The following ZBTB24 variants were observed in gnomAD, a reference collection of about 807,000 sequenced individuals.
ZBTB24 encodes the protein zinc finger and BTB domain containing 24.
A neutral mutation model predicts 53.8 loss-of-function variants in ZBTB24; 32 were observed. The ratio of observed to expected loss-of-function variants is 0.60; its 90% CI spans 0.45 to 0.80. The LOEUF is 0.80. Among genes scored for constraint, ZBTB24 ranks in the 30% least tolerant of loss-of-function variants. ZBTB24 has a pLI of 0.00. For synonymous variants in ZBTB24, 297 were observed against 306.7 expected, an observed-to-expected ratio of 0.97 and a Z score of 0.33; for missense variants, 722 against 837.1, an observed-to-expected ratio of 0.86 and a Z score of 1.70.
rs767923224 is a variant in ZBTB24 at position 109,476,277 on chromosome 6, C to CATGTTTT, written c.1121-20_1121-19insAAAACAT. ...TTCTGTCCTGCCAAAAAAACCAAAA[C>CATGTTTT]ACTAAAACATGTAAAAAATTATAAA... On this transcript the variant is annotated intron_variant, in intron 3 of 6. Coordinates refer to ENST00000230122, the MANE Select transcript of ZBTB24 (RefSeq NM_014797.3). The CATGTTTT allele has an allele frequency of 7.1e-5, 115 of 1,613,528 alleles. No individual in the cohort carries two copies. Among genetic ancestry groups the CATGTTTT allele is most frequent in the Non-Finnish European group, 7.5e-5 (88 of 1,179,734 alleles).
chr6:109,480,464 G>A (rs2115365544), intron 2 of ZBTB24, among the ~76,000 whole-genome samples: 1 of 152,274 alleles, frequency 6.6e-6, no homozygotes, highest in Middle Eastern at 3.4e-3. Context: ...ACCACATGTG[G>A]TTACTGGCCA....
At chr6:109,466,658 T>C in intron 6 of ZBTB24, 84 bp from the exon 7 acceptor site, 1 of 1,546,498 alleles carries the variant, frequency 6.5e-7, no homozygotes, top group Non-Finnish European at 8.7e-7. Flanking sequence ...CAATCAAGAG[T>C]AGTGGAAAAT....
Position 109,476,926 on chromosome 6 carries a change from C to T in ZBTB24, c.957G>A (p.Glu319=), listed in dbSNP as rs769576204. Residue 319 remains glutamate (E), a synonymous_variant, in exon 3 of 7, where the codon GAG becomes GAA. Transcript: ENST00000230122. ...CACACTCATTACATTTGAAAGGTCG[C>T]TCCCCTGGAAGAAGAGCCCCAGAAG... ...LAIHQRSHTG[E]RPFKCNECGK... The T allele has an allele frequency of 2.5e-6, 4 of 1,613,928 alleles. No homozygotes were observed. In the South Asian group the frequency reaches 4.4e-5, roughly 18 times the overall value.
chr6:109,467,793 C>T lies in ZBTB24; in HGVS notation c.1289-59G>A, dbSNP rs975715555. ...AAACAAAAAAACATTTAACAATATA[C>T]ATTCAGAATAAGACAAAATTAAAAA... On this transcript the variant is annotated intron_variant, in intron 5 of 6. Coordinates refer to ENST00000230122, the MANE Select transcript of ZBTB24 (RefSeq NM_014797.3). 5 of 1,566,326 alleles carry T rather than the reference C, an allele frequency of 3.2e-6. No individual in the cohort carries two copies. The African/African-American group carries it at 5.5e-5, about 17-fold the overall frequency.
At chr6:109,468,279 A>G (rs915716924) in intron 5 of ZBTB24, among the ~76,000 whole-genome samples, 2 of 151,984 alleles carry the variant, frequency 1.3e-5, no homozygotes, top group African/African-American at 4.8e-5. Context: ...GCCATAAACT[A>G]TCAATATGGC....
In ZBTB24 at chr6:109,481,162, G is replaced by A. The variant is rs1776400659; in HGVS notation, c.865C>T (p.Pro289Ser). The stretch of plus-strand genomic sequence containing the variant: ...TTACAGCGGGCCTCAGGGCCTCCAG[G>A]GCGCTTTCTCCTTCCACAGATCCTC... ...AKRICGRRKRPGGPEARCKDC... is the reference protein window; with the variant it reads ...AKRICGRRKRSGGPEARCKDC... The change falls in exon 2 of 7, where the codon CCT becomes TCT. Residue 289 changes from proline (P) to serine (S), a missense_variant. Physicochemically the swap from Pro to Ser is moderately conservative, Grantham distance 74. Transcript: ENST00000230122. 1 of 1,614,046 alleles carries A rather than the reference G, an allele frequency of 6.2e-7. No individual in the cohort carries two copies. The highest frequency in any genetic ancestry group is 1.1e-5 in the South Asian group (1 of 91,080).
Position 109,467,881 on chromosome 6 carries a change from G to A in ZBTB24, c.1289-147C>T, listed in dbSNP as rs915785220. 9 of 884,360 alleles carry A rather than the reference G, an allele frequency of 1.0e-5. No individual in the cohort carries two copies. In the Admixed American group the frequency reaches 2.3e-4, roughly 23 times the overall value. 54.8% of individuals were successfully genotyped at this position (884,360 alleles called of 1,614,324 possible). A position where few individuals can be genotyped will look rare whatever the true frequency, so the allele number is the denominator to read the frequency against. On this transcript the variant is annotated intron_variant, in intron 5 of 6. Transcript: ENST00000230122. ...ATCCCCTCCGTAAGCGTAAACGAAT[G>A]ATGCACTCACCAAATATCTACTCTG...
rs1554228827 is a variant in ZBTB24 at position 109,481,579 on chromosome 6, T to A, written c.448A>T (p.Ile150Phe). ...GGAGGATCGTTTTTCTTATTAGAGA[T>A]AACAACCACTGGGGCACCAGCAGTG... ...LNTAGAPVVV[I>F]SNKKNDPPKR... The change falls in exon 2 of 7, where the codon ATC (isoleucine) becomes TTC (phenylalanine). Residue 150 changes from isoleucine to phenylalanine, a missense_variant. Ile to Phe is a conservative substitution (Grantham distance 21, BLOSUM62 0). Transcript: ENST00000230122. 1.2e-6 allele frequency: 2 copies of A among 1,614,232 alleles called. No individual in the cohort carries two copies. The highest frequency in any genetic ancestry group is 2.7e-5 in the African/African-American group (2 of 75,054).
At chr6:109,478,685 C>T (rs1244066411) in intron 2 of ZBTB24, among the ~76,000 whole-genome samples, 2 of 151,882 alleles carry the variant, frequency 1.3e-5, no homozygotes, top group African/African-American at 4.8e-5. Context: ...TGGGCAACAG[C>T]CTAAGAAATA....
intron 2 of ZBTB24, among the ~76,000 whole-genome samples, chr6:109,479,870 C>T (rs1287197014): frequency 2.3e-5 from 3 of 133,328 alleles, no homozygotes; most frequent in South Asian, 2.5e-4. Flanking sequence ...GAGCCGAGAT[C>T]GCGCCACTGC....
At position 109,481,469 on chromosome 6, in the gene ZBTB24, T is replaced by C; in HGVS notation, c.558A>G (p.Leu186=). Residue 186 remains leucine (L), a synonymous_variant, in exon 2 of 7, where the codon TTA becomes TTG. Transcript: ENST00000230122. ...TATTCTGAACTGAATTGTTCACTCT[T>C]AACTGTATTTCTTCCTCTGCAGCCA... ...SELAAEEEIQ[L]RVNNSVQNRQ... is the part of the protein sequence containing the mutation. 6.2e-7 allele frequency: 1 copy of C among 1,614,252 alleles called. No homozygotes were observed. Among genetic ancestry groups the C allele is most frequent in the Non-Finnish European group, 8.5e-7 (1 of 1,180,052 alleles).
chr6:109,474,748 A>AT (rs1776244868), intron 5 of ZBTB24, among the ~76,000 whole-genome samples: 1 of 151,420 alleles, frequency 6.6e-6, no homozygotes. Flanking sequence ...AAAAAAAAAA[A>AT]ATTTATCTTG....
chr6:109,474,414 G>A (rs1776235467), intron 5 of ZBTB24, among the ~76,000 whole-genome samples: 1 of 152,020 alleles, frequency 6.6e-6, no homozygotes, highest in Non-Finnish European at 1.5e-5. Context: ...ATTTGTGTCT[G>A]TTACATTTGG....
chr6:109,467,630 G>T (rs747893845), intron 6 of ZBTB24, 23 bp downstream of exon 6: 1 of 1,614,112 alleles, frequency 6.2e-7, no homozygotes, highest in East Asian at 2.2e-5. Flanking sequence ...CTCCATGCGA[G>T]AAAAATATCT....
rs775002992 is a variant in ZBTB24 at position 109,465,825 on chromosome 6, A to G, written c.*26T>C. On this transcript the variant is annotated 3_prime_UTR_variant, in exon 7 of 7. Transcript: ENST00000230122. ...AGAGCTGGCTTATAAGAAGAGCCCA[A>G]TCAAGCAGTCAAACGTGTTTACAGG... 2.5e-6 allele frequency: 4 copies of G among 1,614,068 alleles called. No homozygotes were observed. Among genetic ancestry groups the G allele is most frequent in the Middle Eastern group, 1.6e-4 (1 of 6,084 alleles).
At chr6:109,473,158 A>T (rs557780567) in intron 5 of ZBTB24, among the ~76,000 whole-genome samples, 122 of 152,286 alleles carry the variant, frequency 8.0e-4, no homozygotes, top group Non-Finnish European at 1.6e-3. Context: ...TACTTTAAAA[A>T]ACACCAATTC....
intron 2 of ZBTB24, among the ~76,000 whole-genome samples, chr6:109,478,162 C>T (rs535855457): frequency 6.6e-6 from 1 of 152,172 alleles, no homozygotes; most frequent in Admixed American, 6.5e-5. Flanking sequence ...CCCAAATCTC[C>T]GTGATTTAGC....
intron 2 of ZBTB24, 115 bp from the exon 3 acceptor site, chr6:109,477,045 C>G: frequency 7.2e-7 from 1 of 1,383,654 alleles, no homozygotes; most frequent in Non-Finnish European, 9.9e-7. Context: ...TCCAAAAGGC[C>G]AACAATGAAC....
rs371210733 is a variant in ZBTB24, at chr6:109,467,642, C to T, written c.1370+11G>A. ...GGCCTCCATGCGAGAAAAATATCTG[C>T]AAAACTTTACCGATGGATTCTGATG... On this transcript the variant is annotated intron_variant, in intron 6 of 6. Transcript: ENST00000230122. 49 of 1,613,914 alleles carry T rather than the reference C, an allele frequency of 3.0e-5. 1 individual carries two copies. The highest frequency in any genetic ancestry group is 5.0e-5 in the Admixed American group (3 of 59,992).
Sources: gnomAD v4.1 joint callset for allele counts (sites outside exome capture counted in the v4.1 genomes callset) on GRCh38, gnomAD v4.1.1 for gene constraint, MANE v1.5 for transcripts, NCBI Gene and HGNC (gene_info 2026-07-23, HGNC 2026-07-21) for gene names.